Variants in STRN observed in about 807,000 individuals in gnomAD.
STRN encodes the protein protein phosphatase 2 regulatory subunit B'''alpha.
Under a neutral mutation model 96.3 loss-of-function variants are expected in STRN, and 53 were observed. The observed-to-expected ratio is 0.55, with a 90% confidence interval of 0.44 to 0.69. STRN has a LOEUF of 0.69. Among genes scored for constraint, STRN ranks in the 30% least tolerant of loss-of-function variants. The pLI is 0.00. For missense variants in STRN, 987 were observed against 963.9 expected (o/e 1.02, Z -0.32); for synonymous variants, 428 against 355.9 (o/e 1.20, Z -2.28).
chr2:36,849,206 G>A lies in STRN; in HGVS notation c.*250C>T. 2.2e-6 allele frequency: 1 copy of A among 449,868 alleles called. No individual in the cohort carries two copies. The highest frequency in any genetic ancestry group is 3.9e-6 in the Non-Finnish European group (1 of 253,350). 27.9% of individuals were successfully genotyped at this position (449,868 alleles called of 1,614,324 possible). Reference sequence around the variant, plus strand: ...GAATTAGAACCACCTCAGAAATAAAGGCGCCTATTGGGGAGAAATTTGAAA... The same window carrying A: ...GAATTAGAACCACCTCAGAAATAAAAGCGCCTATTGGGGAGAAATTTGAAA... On this transcript the variant is annotated 3_prime_UTR_variant, in exon 18 of 18. Transcript: ENST00000263918.
chr2:36,879,206 G>A (rs1041591631), intron 9 of STRN, among the ~76,000 whole-genome samples: 4 of 151,940 alleles, frequency 2.6e-5, no homozygotes, highest in Non-Finnish European at 5.9e-5. Context: ...AAGTAGCTGG[G>A]ATTACAGGCG....
In STRN at chr2:36,838,935, T is replaced by C. The variant is rs1273929026; in HGVS notation, c.*10521A>G. On this transcript the variant is annotated 3_prime_UTR_variant, in exon 18 of 18. Coordinates refer to ENST00000263918, the MANE Select transcript of STRN (RefSeq NM_003162.4). The stretch of plus-strand genomic sequence containing the variant: ...ATATCTTCTCATTAACGTTAGACTG[T>C]ATATGTTTACTGATAAATTTGAGAG... 1.3e-5 allele frequency among the ~76,000 whole-genome samples: 2 copies of C among 152,184 alleles called. No individual in the cohort carries two copies. The highest frequency in any genetic ancestry group is 2.9e-5 in the Non-Finnish European group (2 of 68,026).
At chr2:36,950,301 C>T (rs1664723597) in intron 1 of STRN, among the ~76,000 whole-genome samples, 1 of 150,018 alleles carries the variant, frequency 6.7e-6, no homozygotes, top group Non-Finnish European at 1.5e-5. Flanking sequence ...CCGCAACCTC[C>T]GTCTCTCAAG....
At chr2:36,889,307 C>G (rs927235263) in intron 7 of STRN, among the ~76,000 whole-genome samples, 2 of 152,052 alleles carry the variant, frequency 1.3e-5, no homozygotes, top group African/African-American at 2.4e-5. Context: ...GAATATAATA[C>G]TATTAAAAAT....
chr2:36,889,340 T>C (rs942264072), intron 7 of STRN, among the ~76,000 whole-genome samples: 4 of 152,144 alleles, frequency 2.6e-5, no homozygotes, highest in Admixed American at 1.3e-4. Context: ...CATTTTTATA[T>C]ACTTAACTAT....
chr2:36,885,231 T>C (rs781251526), intron 8 of STRN, among the ~76,000 whole-genome samples: 12 of 152,152 alleles, frequency 7.9e-5, no homozygotes, highest in Non-Finnish European at 1.5e-4. Context: ...GAAAAGTAGA[T>C]GGATTGTGCC....
At chr2:36,959,171 C>T (rs1488488995) in intron 1 of STRN, among the ~76,000 whole-genome samples, 1 of 151,998 alleles carries the variant, frequency 6.6e-6, no homozygotes, top group Non-Finnish European at 1.5e-5. Flanking sequence ...TACATAACAC[C>T]AAAGACAGAG....
intron 1 of STRN, among the ~76,000 whole-genome samples, chr2:36,947,848 CAGTA>C (rs1229314379): frequency 6.6e-6 from 1 of 151,548 alleles, no homozygotes; most frequent in Non-Finnish European, 1.5e-5. Context: ...GATCCCAAGA[CAGTA>C]AGTATTTTTT....
In STRN at chr2:36,953,030, T is replaced by G. The variant is rs546835915; in HGVS notation, c.234+13200A>C. On this transcript the variant is annotated intron_variant, in intron 1 of 17. Transcript: ENST00000263918. ...ACCGTTGTGGAATTTGACATGGTGTTTATTTCTCATAACTAGATATACCAG... is the reference window on the plus strand; with the variant it reads ...ACCGTTGTGGAATTTGACATGGTGTGTATTTCTCATAACTAGATATACCAG... Among the ~76,000 whole-genome samples, 7 of 152,348 alleles carry G rather than the reference T, an allele frequency of 4.6e-5. No individual in the cohort carries two copies. In the South Asian group the frequency reaches 1.4e-3, roughly 32 times the overall value.
rs1191068372 is a variant in STRN, at chr2:36,927,548, G to A, written c.235-2340C>T. Among the ~76,000 whole-genome samples the A allele has an allele frequency of 4.0e-5, 6 of 149,530 alleles. No homozygotes were observed. In the South Asian group the frequency reaches 8.5e-4, roughly 21 times the overall value. ...AAGGGGGGGGGGGGTGGTAATCAGG[G>A]CCAGGCATGGTAGCTAATACCTGTA... On this transcript the variant is annotated intron_variant, in intron 1 of 17. Coordinates refer to ENST00000263918, the MANE Select transcript of STRN (RefSeq NM_003162.4).
At chr2:36,874,746 C>T (rs1411639150) in intron 10 of STRN, among the ~76,000 whole-genome samples, 2 of 144,596 alleles carry the variant, frequency 1.4e-5, no homozygotes, top group Non-Finnish European at 1.5e-5. Context: ...AAAAACACCT[C>T]TGCCAACTAG....
At chr2:36,947,255 T>G (rs1022333336) in intron 1 of STRN, among the ~76,000 whole-genome samples, 2 of 152,118 alleles carry the variant, frequency 1.3e-5, no homozygotes, top group East Asian at 3.8e-4. Context: ...AGGACAAGTT[T>G]TAGTAAAACA....
Position 36,877,787 on chromosome 2 carries a change from C to T in STRN, c.1323+104G>A, listed in dbSNP as rs112912338. Reference sequence around the variant, plus strand: ...CTGACCTCAAGTGATCCGCCCACCTCGGCCTCCCAAAGTGCTGGATTACAG... The same window carrying T: ...CTGACCTCAAGTGATCCGCCCACCTTGGCCTCCCAAAGTGCTGGATTACAG... On this transcript the variant is annotated intron_variant, in intron 10 of 17. Coordinates refer to ENST00000263918, the MANE Select transcript of STRN (RefSeq NM_003162.4). 8.7e-4 allele frequency: 1,141 copies of T among 1,312,002 alleles called. 12 individuals are homozygous for T. The African/African-American group carries it at 0.015, about 17-fold the overall frequency. 81.3% of individuals were successfully genotyped at this position (1,312,002 alleles called of 1,614,324 possible). A position where few individuals can be genotyped will look rare whatever the true frequency, so the allele number is the denominator to read the frequency against.
chr2:36,944,856 G>A (rs1445371657), intron 1 of STRN, among the ~76,000 whole-genome samples: 1 of 152,124 alleles, frequency 6.6e-6, no homozygotes, highest in Admixed American at 6.6e-5. Context: ...ATATAAGTAG[G>A]AGATATAACT....
chr2:36,910,542 T>C (rs936925176), intron 3 of STRN, among the ~76,000 whole-genome samples: 2 of 152,140 alleles, frequency 1.3e-5, no homozygotes, highest in Non-Finnish European at 2.9e-5. Flanking sequence ...AGACAGACTG[T>C]AATAAGTTAA....
In STRN at chr2:36,843,493, C is replaced by A. The variant is rs576234286; in HGVS notation, c.*5963G>T. On this transcript the variant is annotated 3_prime_UTR_variant, in exon 18 of 18. Coordinates refer to ENST00000263918, the MANE Select transcript of STRN (RefSeq NM_003162.4). The stretch of plus-strand genomic sequence containing the variant: ...ACATTTGAAAAACATAAAACCTATT[C>A]ATTAAACATATGTGTCTCTGAAAGT... The A allele has an allele frequency of 6.6e-6, 1 of 152,202 alleles. No individual in the cohort carries two copies. The highest frequency in any genetic ancestry group is 1.9e-4 in the East Asian group (1 of 5,192). The allele number at this position is 152,202 out of a possible 1,614,324, so 9.4% of individuals were successfully genotyped here.
chr2:36,943,983 G>C (rs971366164), intron 1 of STRN, among the ~76,000 whole-genome samples: 9 of 151,964 alleles, frequency 5.9e-5, no homozygotes, highest in African/African-American at 1.9e-4. Flanking sequence ...AGCTGGACGT[G>C]GTGGCGGGCA....
At chr2:36,943,373 A>C (rs1670893645) in intron 1 of STRN, among the ~76,000 whole-genome samples, 1 of 151,048 alleles carries the variant, frequency 6.6e-6, no homozygotes, top group Admixed American at 6.6e-5. Flanking sequence ...AAAAATAAGT[A>C]CAGGGACTAG....
chr2:36,905,746 G>C (rs1471636214), intron 3 of STRN, 128 bp from the exon 4 acceptor site: 2 of 724,884 alleles, frequency 2.8e-6, no homozygotes, highest in Non-Finnish European at 4.7e-6. Flanking sequence ...TAAGGTATGT[G>C]TTAGGATAAT....
Sources: gnomAD v4.1 joint callset for allele counts (sites outside exome capture counted in the v4.1 genomes callset) on GRCh38, gnomAD v4.1.1 for gene constraint, MANE v1.5 for transcripts, NCBI Gene and HGNC (gene_info 2026-07-23, HGNC 2026-07-21) for gene names.